CHL1: variants seen among roughly 807,000 people sequenced by gnomAD.
CHL1 encodes the protein neural cell adhesion molecule L1-like protein.
Under a neutral mutation model 141.9 loss-of-function variants are expected in CHL1, and 96 were observed. That is an observed-to-expected ratio of 0.68 (90% CI 0.57 to 0.80). CHL1 has a LOEUF of 0.80. Among genes scored for constraint, CHL1 ranks in the 30% least tolerant of loss-of-function variants. The pLI, the probability that CHL1 is intolerant of heterozygous loss-of-function variation, is 0.00. For missense variants in CHL1, 1,820 were observed against 1,457.2 expected, an observed-to-expected ratio of 1.25 and a Z score of -4.05; for synonymous variants, 613 against 502.2, an observed-to-expected ratio of 1.22 and a Z score of -2.95.
In CHL1 at chr3:342,970, T is replaced by C. The variant is rs559574688; in HGVS notation, c.680-14T>C. ...ATTATGTTTGTGTTTTTTCCTTCCGTTTTTTTATTTCAGTAAAGCATGCTA... is the reference window on the plus strand; with the variant it reads ...ATTATGTTTGTGTTTTTTCCTTCCGCTTTTTTATTTCAGTAAAGCATGCTA... On this transcript the variant is annotated splice_polypyrimidine_tract_variant and intron_variant, in intron 7 of 27. Transcript: ENST00000256509. 3 of 1,597,932 alleles carry C rather than the reference T, an allele frequency of 1.9e-6. No individual in the cohort carries two copies. The African/African-American group carries it at 4.0e-5, about 22-fold the overall frequency.
chr3:408,850 T>C lies in CHL1; in HGVS notation c.*3139T>C, dbSNP rs1367356880. On this transcript the variant is annotated 3_prime_UTR_variant, in exon 28 of 28. Coordinates refer to ENST00000256509, the MANE Select transcript of CHL1 (RefSeq NM_006614.4). ...GTTTTATTCTATCGGTATAAAGGCA[T>C]TGATATTTTAGATGCACCCGTGTTT... The C allele has an allele frequency of 6.6e-6, 1 of 152,080 alleles. No individual in the cohort carries two copies. The highest frequency in any genetic ancestry group is 1.9e-4 in the East Asian group (1 of 5,186). The allele number at this position is 152,080 out of a possible 1,614,324, so 9.4% of individuals were successfully genotyped here. A position where few individuals can be genotyped will look rare whatever the true frequency, so the allele number is the denominator to read the frequency against.
intron 5 of CHL1, among the ~76,000 whole-genome samples, chr3:338,106 C>T (rs990570715): frequency 4.4e-4 from 67 of 152,162 alleles, no homozygotes; most frequent in African/African-American, 1.3e-3. Flanking sequence ...CCTTGTGATC[C>T]GCCCACCTCG....
chr3:198,327 G>T (rs1461124613), intron 1 of CHL1, among the ~76,000 whole-genome samples: 2 of 151,964 alleles, frequency 1.3e-5, no homozygotes, highest in Non-Finnish European at 2.9e-5. Context: ...GCGAGCGGCT[G>T]CCCTGCCAGG....
At chr3:245,489 A>G (rs1215003881) in intron 2 of CHL1, among the ~76,000 whole-genome samples, 1 of 152,208 alleles carries the variant, frequency 6.6e-6, no homozygotes, top group Non-Finnish European at 1.5e-5. Context: ...AATTAGTATC[A>G]CGACTAGTTT....
At chr3:395,030 G>A (rs951409549) in intron 24 of CHL1, among the ~76,000 whole-genome samples, 158 bp downstream of exon 24, 3 of 152,186 alleles carry the variant, frequency 2.0e-5, no homozygotes, top group Admixed American at 6.5e-5. Context: ...CTGACATAGA[G>A]GCAGAATTTA....
chr3:274,044 C>T (rs1695870034), intron 2 of CHL1, among the ~76,000 whole-genome samples: 1 of 152,222 alleles, frequency 6.6e-6, no homozygotes, highest in African/African-American at 2.4e-5. Flanking sequence ...AATCCCTTCT[C>T]ACTTCACCAG....
At chr3:305,464 C>G (rs544360576) in intron 2 of CHL1, among the ~76,000 whole-genome samples, 1 of 152,102 alleles carries the variant, frequency 6.6e-6, no homozygotes, top group East Asian at 1.9e-4. Context: ...CCTATTATAA[C>G]TTTATAGCTA....
At chr3:311,026 G>A (rs1291953030) in intron 2 of CHL1, among the ~76,000 whole-genome samples, 1 of 152,048 alleles carries the variant, frequency 6.6e-6, no homozygotes, top group Non-Finnish European at 1.5e-5. Flanking sequence ...TGTGCCTTTA[G>A]GTTTCCTTCA....
intron 2 of CHL1, among the ~76,000 whole-genome samples, chr3:249,574 T>C (rs1007035336): frequency 1.3e-5 from 2 of 152,194 alleles, no homozygotes; most frequent in African/African-American, 4.8e-5. Context: ...TTGGCTTAAG[T>C]AACTTATTTG....
intron 5 of CHL1, 35 bp downstream of exon 5, chr3:328,389 G>A (rs917449724): frequency 1.3e-6 from 2 of 1,540,156 alleles, no homozygotes; most frequent in African/African-American, 1.4e-5. Context: ...TTTTACAAGT[G>A]TTTTAGTGAA....
In CHL1 at chr3:206,423, AC is replaced by A. The variant is rs1453012204; in HGVS notation, c.-175+9362del. On this transcript the variant is annotated intron_variant, in intron 1 of 27. Transcript: ENST00000256509. Reference sequence around the variant, plus strand: ...GGAGGTTGCAGTGAGCCTAGATCGCACCACTGCACTCCAGCCTGGGTGACAG... The same window carrying A: ...GGAGGTTGCAGTGAGCCTAGATCGCACACTGCACTCCAGCCTGGGTGACAG... 2.0e-5 allele frequency among the ~76,000 whole-genome samples: 3 copies of A among 151,930 alleles called. No individual in the cohort carries two copies. In the East Asian group the frequency reaches 5.8e-4, roughly 29 times the overall value.
At chr3:262,439 C>T (rs1574896362) in intron 2 of CHL1, among the ~76,000 whole-genome samples, 1 of 96,574 alleles carries the variant, frequency 1.0e-5, no homozygotes, top group East Asian at 2.9e-4. Flanking sequence ...CTACACAGTA[C>T]TCACAGGGCA....
intron 1 of CHL1, among the ~76,000 whole-genome samples, chr3:233,742 T>C (rs1042492768): frequency 6.6e-6 from 1 of 152,136 alleles, no homozygotes; most frequent in Non-Finnish European, 1.5e-5. Flanking sequence ...CAATATTCTT[T>C]AAAAACACAA....
At chr3:324,964 A>G (rs1196195166) in intron 3 of CHL1, among the ~76,000 whole-genome samples, 1 of 151,906 alleles carries the variant, frequency 6.6e-6, no homozygotes, top group African/African-American at 2.4e-5. Context: ...TCACAAGAGG[A>G]GGGGATATTT....
At chr3:333,532 C>T (rs555589581) in intron 5 of CHL1, among the ~76,000 whole-genome samples, 5 of 151,672 alleles carry the variant, frequency 3.3e-5, no homozygotes, top group Non-Finnish European at 7.4e-5. Context: ...AAGAACCAAA[C>T]AAACAGAATG....
intron 5 of CHL1, among the ~76,000 whole-genome samples, chr3:332,611 A>G (rs568866890): frequency 6.6e-6 from 1 of 152,268 alleles, no homozygotes; most frequent in East Asian, 1.9e-4. Flanking sequence ...TCAAGTGGAC[A>G]TTTCTGAGTT....
chr3:295,919 T>C (rs1228909726), intron 2 of CHL1, among the ~76,000 whole-genome samples: 4 of 152,152 alleles, frequency 2.6e-5, no homozygotes, highest in Non-Finnish European at 1.5e-5. Flanking sequence ...AAAGTCTAAG[T>C]CTCTCATTTT....
intron 1 of CHL1, among the ~76,000 whole-genome samples, chr3:199,797 C>T (rs527403975): frequency 1.3e-5 from 2 of 152,184 alleles, no homozygotes; most frequent in African/African-American, 4.8e-5. Context: ...TTATTTGCCC[C>T]AAAATTGCTT....
chr3:231,285 T>G (rs748929135), intron 1 of CHL1, among the ~76,000 whole-genome samples: 11 of 152,082 alleles, frequency 7.2e-5, no homozygotes, highest in Non-Finnish European at 8.8e-5. Context: ...TTAAGGCAGA[T>G]TTTTTTCCTT....
Sources: gnomAD v4.1 joint callset for allele counts (sites outside exome capture counted in the v4.1 genomes callset) on GRCh38, gnomAD v4.1.1 for gene constraint, MANE v1.5 for transcripts, NCBI Gene and HGNC (gene_info 2026-07-23, HGNC 2026-07-21) for gene names.